Variants in ROS1 observed in about 807,000 individuals in gnomAD.
ROS1 encodes ROS proto-oncogene 1, receptor tyrosine kinase, also known as proto-oncogene tyrosine-protein kinase ROS.
ROS1 carries 263 observed loss-of-function variants against 273.5 expected under a neutral mutation model. That is an observed-to-expected ratio of 0.96 (90% confidence interval 0.87 to 1.06). The LOEUF (loss-of-function observed/expected upper bound fraction) is 1.06. Ranked by LOEUF, ROS1 falls within the 50% of genes least tolerant of loss-of-function variation. The probability of loss-of-function intolerance (pLI) is 0.00; values close to 1 mark genes in which losing one functional copy is unlikely to be tolerated. For missense variants in ROS1, 2,833 were observed against 2,751.1 expected (o/e 1.03, Z -0.67); for synonymous variants, 1,008 against 954.1 (o/e 1.06, Z -1.04).
At chr6:117,415,286 T>A (rs2128743293) in intron 3 of ROS1, among the ~76,000 whole-genome samples, 2 of 152,358 alleles carry the variant, frequency 1.3e-5, no homozygotes, top group Non-Finnish European at 2.9e-5. Context: ...GTAACTGCTA[T>A]AATAGAACTT....
At chr6:117,375,144 C>A (rs995188042) in intron 18 of ROS1, among the ~76,000 whole-genome samples, 3 of 152,200 alleles carry the variant, frequency 2.0e-5, no homozygotes, top group Non-Finnish European at 4.4e-5. Context: ...GCATTCATAG[C>A]AACCTGGATG....
At position 117,394,099 on chromosome 6, in the gene ROS1, T is replaced by A. The variant is rs192930205; in HGVS notation, c.1191+63A>T. 597 of 1,075,076 alleles carry A rather than the reference T, an allele frequency of 5.6e-4. 4 individuals carry two copies. In the African/African-American group the frequency reaches 8.9e-3, roughly 16 times the overall value. The allele number at this position is 1,075,076 out of a possible 1,614,324, so 66.6% of individuals were successfully genotyped here. On this transcript the variant is annotated intron_variant, in intron 11 of 43. Coordinates refer to ENST00000368507, the MANE Select transcript of ROS1 (RefSeq NM_001378902.1). ...AGGCAATTGTGTTTAGTATTAAATA[T>A]ACCAAGATATGCATATCAGTATCAC...
chr6:117,287,792 C>T lies in ROS1; in HGVS notation c.*700G>A, dbSNP rs1162530596. Among the ~76,000 whole-genome samples the T allele has an allele frequency of 5.3e-5, 8 of 151,970 alleles. No individual in the cohort carries two copies. Among genetic ancestry groups the T allele is most frequent in the South Asian group, 4.2e-4 (2 of 4,808 alleles). ...AAAATTAGCCGGGCGTGGTGGCACACGCCTGTAATCCCAGCTACTTAGGAG... is the reference window on the plus strand; with the variant it reads ...AAAATTAGCCGGGCGTGGTGGCACATGCCTGTAATCCCAGCTACTTAGGAG... On this transcript the variant is annotated 3_prime_UTR_variant, in exon 44 of 44. Coordinates refer to ENST00000368507, the MANE Select transcript of ROS1 (RefSeq NM_001378902.1).
At chr6:117,318,625 T>C (rs493548) in intron 37 of ROS1, among the ~76,000 whole-genome samples, 14,410 of 152,178 alleles carry the variant, frequency 0.095, 874 homozygotes, top group Middle Eastern at 0.14. Flanking sequence ...TCCCAAGCAA[T>C]TGATCAAAGC....
chr6:117,417,019 T>C (rs1474785240), intron 2 of ROS1, among the ~76,000 whole-genome samples: 1 of 152,030 alleles, frequency 6.6e-6, no homozygotes, highest in Non-Finnish European at 1.5e-5. Flanking sequence ...TCTTCAGCTT[T>C]TTCTCCTCTC....
rs145989639 is a variant in ROS1 at position 117,336,335 on chromosome 6, CT to C, written c.5230+836del. 6.6e-3 allele frequency among the ~76,000 whole-genome samples: 1,003 copies of C among 152,080 alleles called. 26 individuals carry two copies. Among genetic ancestry groups the C allele is most frequent in the East Asian group, 0.059 (304 of 5,136 alleles). ...ACTCTCTATCCCCCCACCCCTCCCCCTGACAGGCCCCAGTGTGTGTTGTTCC... is the reference window on the plus strand; with the variant it reads ...ACTCTCTATCCCCCCACCCCTCCCCCGACAGGCCCCAGTGTGTGTTGTTCC... On this transcript the variant is annotated intron_variant, in intron 32 of 43. Coordinates refer to ENST00000368507, the MANE Select transcript of ROS1 (RefSeq NM_001378902.1).
chr6:117,399,481 G>A (rs917395352), intron 7 of ROS1, among the ~76,000 whole-genome samples: 2 of 152,204 alleles, frequency 1.3e-5, no homozygotes, highest in Non-Finnish European at 2.9e-5. Flanking sequence ...CATCAGGGAA[G>A]GGGGAAAATG....
Position 117,356,616 on chromosome 6 carries a change from A to C in ROS1, c.4126+13T>G, listed in dbSNP as rs1390531620. On this transcript the variant is annotated intron_variant, in intron 26 of 43. Coordinates refer to ENST00000368507, the MANE Select transcript of ROS1 (RefSeq NM_001378902.1). ...TATTAACAAATATCTGTGCACATAC[A>C]TCAGCATCTTACCGAGCATAGCAGG... The C allele has an allele frequency of 1.9e-6, 3 of 1,603,906 alleles. No homozygotes were observed. Among genetic ancestry groups the C allele is most frequent in the African/African-American group, 2.7e-5 (2 of 74,756 alleles).
rs1777543452 is a variant in ROS1, at chr6:117,337,197, T to A, written c.5205A>T (p.Ser1735=). ...VVYKTGENST[S]LPESFKTKAG... ...CTTTTGTCTTAAAGCTTTCTGGAAG[T>A]GAGGTGCTATTTTCTCCCGTCTTAT... is the stretch of plus-strand genomic sequence containing the variant. The change falls in exon 32 of 44, where the codon TCA becomes TCT. Residue 1735 remains serine, a synonymous_variant. Transcript: ENST00000368507. 1.2e-6 allele frequency: 2 copies of A among 1,612,380 alleles called. No individual in the cohort carries two copies. The highest frequency in any genetic ancestry group is 1.7e-6 in the Non-Finnish European group (2 of 1,178,944).
rs570626040 is a variant in ROS1 at position 117,423,836 on chromosome 6, C to T, written c.123+1698G>A. ...TAAACTTGAGCACTTTGTATATCCT[C>T]TCCTGTGAACCATGGTTACATTCAA... On this transcript the variant is annotated intron_variant, in intron 1 of 43. Transcript: ENST00000368507. Among the ~76,000 whole-genome samples the T allele has an allele frequency of 4.4e-4, 67 of 152,240 alleles. 2 individuals carry two copies. The South Asian group carries it at 0.013, about 31-fold the overall frequency.
chr6:117,340,984 G>A (rs1437844345), intron 31 of ROS1, 151 bp downstream of exon 31: 3 of 591,424 alleles, frequency 5.1e-6, no homozygotes, highest in Non-Finnish European at 8.7e-6. Context: ...AAATTAGTCT[G>A]GATAACTCAC....
chr6:117,344,118 A>G lies in ROS1; in HGVS notation c.4448T>C (p.Val1483Ala). The change falls in exon 28 of 44, where the codon GTT (valine) becomes GCT (alanine). Residue 1483 changes from valine to alanine, a missense_variant. Val to Ala is a moderately conservative substitution (Grantham distance 64, BLOSUM62 0). Coordinates refer to ENST00000368507, the MANE Select transcript of ROS1 (RefSeq NM_001378902.1). ...CCTGTCATTAACTTCTGCATAATAA[A>G]CCAGGTATGTTGGAGTAGGGCTGGT... ...GITSPTPTYL[V>A]YYAEVNDRKN... 1 of 1,614,010 alleles carries G rather than the reference A, an allele frequency of 6.2e-7. No individual in the cohort carries two copies. Among genetic ancestry groups the G allele is most frequent in the Non-Finnish European group, 8.5e-7 (1 of 1,179,948 alleles).
intron 25 of ROS1, 118 bp downstream of exon 25, chr6:117,357,686 A>G: frequency 3.0e-6 from 2 of 669,126 alleles, no homozygotes; most frequent in Non-Finnish European, 5.0e-6. Context: ...TAGTGGGCCA[A>G]GAGCCCTAAG....
At chr6:117,288,842 ATTAT>A (rs773325276) in intron 43 of ROS1, 40 bp from the exon 44 acceptor site, 71 of 1,470,778 alleles carry the variant, frequency 4.8e-5, no homozygotes, top group Non-Finnish European at 6.2e-5. Context: ...CATGTATTTA[ATTAT>A]TTATTTGTAA....
At chr6:117,383,154 C>T (rs4945583) in intron 17 of ROS1, among the ~76,000 whole-genome samples, 163 bp downstream of exon 17, 73,328 of 151,156 alleles carry the variant, frequency 0.49, 18,472 homozygotes, top group African/African-American at 0.63. Flanking sequence ...AAATAAGGCG[C>T]TTTTTTTTCA....
rs772539932 is a variant in ROS1, at chr6:117,311,081, C to A, written c.6154G>T (p.Asp2052Tyr). 1.9e-6 allele frequency: 3 copies of A among 1,610,178 alleles called. No individual in the cohort carries two copies. The highest frequency in any genetic ancestry group is 2.5e-6 in the Non-Finnish European group (3 of 1,178,384). The change falls in exon 40 of 44, where the codon GAC becomes TAC. Residue 2052 changes from aspartate to tyrosine, a missense_variant. By Grantham distance (160) the Asp-to-Tyr change is radical. Transcript: ENST00000368507. The part of the protein sequence containing the change: ...GPLLTLVDLV[D>Y]LCVDISKGCV... ...CCTTTTGAAATATCTACACACAGGT[C>A]TACAAGGTCAACCAAGGTGAGTAAA...
chr6:117,419,104 G>C (rs370263476), intron 1 of ROS1, among the ~76,000 whole-genome samples: 3 of 152,188 alleles, frequency 2.0e-5, no homozygotes, highest in Non-Finnish European at 4.4e-5. Flanking sequence ...CAGATAATCA[G>C]ATAAGTACCC....
intron 9 of ROS1, 54 bp from the exon 10 acceptor site, chr6:117,394,792 C>A: frequency 1.3e-6 from 2 of 1,501,334 alleles, no homozygotes; most frequent in South Asian, 1.4e-5. Flanking sequence ...GGTACACTAA[C>A]AGACACAAAA....
chr6:117,364,973 T>G, intron 21 of ROS1, 87 bp downstream of exon 21: 1 of 1,336,334 alleles, frequency 7.5e-7, no homozygotes, highest in Non-Finnish European at 1.0e-6. Context: ...AACTGAAAGT[T>G]ATTTTTAAAT....
Sources: gnomAD v4.1 joint callset for allele counts (sites outside exome capture counted in the v4.1 genomes callset) on GRCh38, gnomAD v4.1.1 for gene constraint, MANE v1.5 for transcripts, NCBI Gene and HGNC (gene_info 2026-07-23, HGNC 2026-07-21) for gene names.